The following LRTM2 variants were observed in gnomAD, a reference collection of about 807,000 sequenced individuals.
LRTM2 encodes leucine rich repeat transmembrane protein 2, also known as leucine-rich repeat and transmembrane domain-containing protein 2.
LRTM2 carries 18 observed loss-of-function variants against 28.1 expected under a neutral mutation model. The ratio of observed to expected loss-of-function variants is 0.64; its 90% confidence interval spans 0.44 to 0.95. LRTM2 has a LOEUF of 0.95. Among genes scored for constraint, LRTM2 ranks in the 40% least tolerant of loss-of-function variants. The pLI is 0.00. For missense variants in LRTM2, 436 were observed against 497.2 expected, an observed-to-expected ratio of 0.88 and a Z score of 1.17; for synonymous variants, 250 against 218.7, an observed-to-expected ratio of 1.14 and a Z score of -1.26.
rs1864076353 is a variant in LRTM2 at position 1,820,990 on chromosome 12, C to G, written c.-259+176C>G. ...TGCTCGGGCTCAGGCACCTGAGCAT[C>G]CCAAAGGTGCACGACACTGGGAACT... On this transcript the variant is annotated intron_variant, in intron 1 of 4. Coordinates refer to ENST00000299194, the MANE Select transcript of LRTM2 (RefSeq NM_001039029.3). This position sits in a 1 kb window ranked among gnomAD's most constrained non-coding sequence, Gnocchi z 6.0. Among the ~76,000 whole-genome samples, 1 of 152,200 alleles carries G rather than the reference C, an allele frequency of 6.6e-6. No homozygotes were observed. The highest frequency in any genetic ancestry group is 1.5e-5 in the Non-Finnish European group (1 of 68,040).
At position 1,833,509 on chromosome 12, in the gene LRTM2, C is replaced by T. The variant is rs1054234803; in HGVS notation, c.659-758C>T. Among the ~76,000 whole-genome samples, 2 of 152,176 alleles carry T rather than the reference C, an allele frequency of 1.3e-5. No individual in the cohort carries two copies. The highest frequency in any genetic ancestry group is 1.3e-4 in the Admixed American group (2 of 15,284). On this transcript the variant is annotated intron_variant, in intron 4 of 4. Coordinates refer to ENST00000299194, the MANE Select transcript of LRTM2 (RefSeq NM_001039029.3). The surrounding 1 kb of genome is among the most constrained non-coding windows in gnomAD (Gnocchi z 4.2). Reference sequence around the variant, plus strand: ...GCGAGCCCGTGCGCCCAGGTACCCACACCTCCTCATCAACACCAGCCTCCT... The same window carrying T: ...GCGAGCCCGTGCGCCCAGGTACCCATACCTCCTCATCAACACCAGCCTCCT...
At chr12:1,832,536 AT>A (rs1248147134) in intron 4 of LRTM2, among the ~76,000 whole-genome samples, 2 of 152,364 alleles carry the variant, frequency 1.3e-5, no homozygotes, top group Middle Eastern at 3.4e-3. Flanking sequence ...AGTGGTGAAA[AT>A]AATGCCAATG....
rs575996724 is a variant in LRTM2 at position 1,833,524 on chromosome 12, A to G, written c.659-743A>G. On this transcript the variant is annotated intron_variant, in intron 4 of 4. Transcript: ENST00000299194. This position sits in a 1 kb window ranked among gnomAD's most constrained non-coding sequence, Gnocchi z 4.2. ...CAGGTACCCACACCTCCTCATCAAC[A>G]CCAGCCTCCTCTCCTTGGCCTCGTG... Among the ~76,000 whole-genome samples, 153 of 152,098 alleles carry G rather than the reference A, an allele frequency of 1.0e-3. No homozygotes were observed. Among genetic ancestry groups the G allele is most frequent in the Non-Finnish European group, 1.6e-3 (111 of 67,972 alleles).
chr12:1,828,286 C>T lies in LRTM2; in HGVS notation c.67+71C>T, dbSNP rs2154446896. On this transcript the variant is annotated intron_variant, in intron 3 of 4. Transcript: ENST00000299194. The surrounding 1 kb of genome is among the most constrained non-coding windows in gnomAD (Gnocchi z 4.2). The stretch of plus-strand genomic sequence containing the variant: ...GTGCCGAGGTGACTGTAGGTAGCGC[C>T]ATATGGGACCTTAGCCACACTCAGG... 1.5e-6 allele frequency: 2 copies of T among 1,315,040 alleles called. No individual in the cohort carries two copies. The highest frequency in any genetic ancestry group is 5.4e-5 in the East Asian group (2 of 37,172). The allele number at this position is 1,315,040 out of a possible 1,614,324, so 81.5% of individuals were successfully genotyped here.
At position 1,834,444 on chromosome 12, in the gene LRTM2, C is replaced by T. The variant is rs200104979; in HGVS notation, c.836C>T (p.Pro279Leu). 2.5e-5 allele frequency: 41 copies of T among 1,612,296 alleles called. No individual in the cohort carries two copies. In the Middle Eastern group the frequency reaches 6.6e-4, roughly 26 times the overall value. Residue 279 changes from proline (P) to leucine (L), a missense_variant, in exon 5 of 5, where the codon CCC becomes CTC. Pro to Leu is a moderately conservative substitution (Grantham distance 98). Coordinates refer to ENST00000299194, the MANE Select transcript of LRTM2 (RefSeq NM_001039029.3). This position sits in a 1 kb window ranked among gnomAD's most constrained non-coding sequence, Gnocchi z 7.6. The stretch of plus-strand genomic sequence containing the variant: ...AAGGCCAGTCCAGAGCCTGCTAAGC[C>T]CAAGCCCGGGGCTGAGCCGGAGCCG... ...CTKASPEPAK[P>L]KPGAEPEPEP...
In LRTM2 at chr12:1,836,639, G is replaced by A. The variant is rs760684631; in HGVS notation, c.*1918G>A. On this transcript the variant is annotated 3_prime_UTR_variant, in exon 5 of 5. Coordinates refer to ENST00000299194, the MANE Select transcript of LRTM2 (RefSeq NM_001039029.3). ...ATTTTCTAAAGGGACTGGGGGGAGGGGAGGGCATTGTCAATGGTGGTATCT... is the reference window on the plus strand; with the variant it reads ...ATTTTCTAAAGGGACTGGGGGGAGGAGAGGGCATTGTCAATGGTGGTATCT... 4.6e-5 allele frequency: 7 copies of A among 152,674 alleles called. No individual in the cohort carries two copies. Among genetic ancestry groups the A allele is most frequent in the Admixed American group, 1.3e-4 (2 of 15,292 alleles). 9.5% of individuals were successfully genotyped at this position (152,674 alleles called of 1,614,324 possible).
intron 1 of LRTM2, among the ~76,000 whole-genome samples, chr12:1,827,117 C>T (rs994214775): frequency 6.6e-6 from 1 of 152,136 alleles, no homozygotes; most frequent in Non-Finnish European, 1.5e-5. Context: ...GTGCGGGCAT[C>T]CTCCCTCCCT....
rs1303805164 is a variant in LRTM2 at position 1,828,718 on chromosome 12, G to A, written c.67+503G>A. Among the ~76,000 whole-genome samples, 1 of 152,228 alleles carries A rather than the reference G, an allele frequency of 6.6e-6. No homozygotes were observed. The highest frequency in any genetic ancestry group is 1.9e-4 in the East Asian group (1 of 5,188). ...CTCCGCTTTCCCAACTCTCGGTAGA[G>A]GACCTAGTGGGCTCGTGGGATGCGG... is the stretch of plus-strand genomic sequence containing the variant. On this transcript the variant is annotated intron_variant, in intron 3 of 4. Coordinates refer to ENST00000299194, the MANE Select transcript of LRTM2 (RefSeq NM_001039029.3). This position sits in a 1 kb window ranked among gnomAD's most constrained non-coding sequence, Gnocchi z 4.2.
rs993265546 is a variant in LRTM2, at chr12:1,834,103, T to C, written c.659-164T>C. ...GTGGACTTGGCTCAATCAATGCTGTTTTCCCTCCTCCGCTTCCTCTTCTAT... is the reference window on the plus strand; with the variant it reads ...GTGGACTTGGCTCAATCAATGCTGTCTTCCCTCCTCCGCTTCCTCTTCTAT... On this transcript the variant is annotated intron_variant, in intron 4 of 4. Coordinates refer to ENST00000299194, the MANE Select transcript of LRTM2 (RefSeq NM_001039029.3). This position sits in a 1 kb window ranked among gnomAD's most constrained non-coding sequence, Gnocchi z 7.6. Among the ~76,000 whole-genome samples, 5 of 152,212 alleles carry C rather than the reference T, an allele frequency of 3.3e-5. No homozygotes were observed. Among genetic ancestry groups the C allele is most frequent in the African/African-American group, 1.2e-4 (5 of 41,446 alleles).
intron 1 of LRTM2, among the ~76,000 whole-genome samples, chr12:1,823,831 G>A (rs534581112): frequency 7.9e-5 from 12 of 152,290 alleles, no homozygotes; most frequent in Admixed American, 1.3e-4. Flanking sequence ...AGGCAATGCC[G>A]TGGACACTGC....
chr12:1,832,040 T>G (rs1431849389), intron 4 of LRTM2, among the ~76,000 whole-genome samples: 1 of 152,224 alleles, frequency 6.6e-6, no homozygotes, highest in African/African-American at 2.4e-5. Context: ...AGTGCCAACT[T>G]CCTCTCCCAA....
In LRTM2 at chr12:1,829,832, G is replaced by A. The variant is rs1049725885; in HGVS notation, c.68-1103G>A. On this transcript the variant is annotated intron_variant, in intron 3 of 4. Transcript: ENST00000299194. The surrounding 1 kb of genome is among the most constrained non-coding windows in gnomAD (Gnocchi z 4.2). ...GCTGGGTGGAACTGACCTCGGCTGG[G>A]CTGACCTGGTGGGGCTGAACTATTT... Among the ~76,000 whole-genome samples, 2 of 151,970 alleles carry A rather than the reference G, an allele frequency of 1.3e-5. No homozygotes were observed. Among genetic ancestry groups the A allele is most frequent in the Non-Finnish European group, 2.9e-5 (2 of 67,962 alleles).
chr12:1,821,452 G>C (rs1448983574), intron 1 of LRTM2, among the ~76,000 whole-genome samples: 2 of 152,230 alleles, frequency 1.3e-5, no homozygotes, highest in African/African-American at 4.8e-5. Flanking sequence ...GGTGAGGCTG[G>C]GAGTGGGCAG....
At position 1,828,991 on chromosome 12, in the gene LRTM2, G is replaced by A. The variant is rs192878272; in HGVS notation, c.67+776G>A. ...GGGACGGCATTCCGCCTGACTTCCC[G>A]CTCTGATCCAGCACCCAACACGGGC... On this transcript the variant is annotated intron_variant, in intron 3 of 4. Coordinates refer to ENST00000299194, the MANE Select transcript of LRTM2 (RefSeq NM_001039029.3). This position sits in a 1 kb window ranked among gnomAD's most constrained non-coding sequence, Gnocchi z 4.2. 4.0e-4 allele frequency among the ~76,000 whole-genome samples: 61 copies of A among 152,330 alleles called. No homozygotes were observed. The highest frequency in any genetic ancestry group is 2.9e-3 in the East Asian group (15 of 5,182).
In LRTM2 at chr12:1,834,619, C is replaced by T. The variant is rs1450877237; in HGVS notation, c.1011C>T (p.Ser337=). The change falls in exon 5 of 5, where the codon TCC becomes TCT. Residue 337 remains serine (S), a synonymous_variant. Transcript: ENST00000299194. This position sits in a 1 kb window ranked among gnomAD's most constrained non-coding sequence, Gnocchi z 7.6. ...VAAAYGCIYA[S]LMAKYHRELK... Reference sequence around the variant, plus strand: ...CTGCCTATGGCTGCATCTACGCCTCCCTCATGGCCAAGTACCACCGGGAGC... The same window carrying T: ...CTGCCTATGGCTGCATCTACGCCTCTCTCATGGCCAAGTACCACCGGGAGC... 2 of 1,600,122 alleles carry T rather than the reference C, an allele frequency of 1.2e-6. No homozygotes were observed. Among genetic ancestry groups the T allele is most frequent in the South Asian group, 1.1e-5 (1 of 91,084 alleles).
chr12:1,830,911 C>A lies in LRTM2; in HGVS notation c.68-24C>A, dbSNP rs768276644. 49 of 1,565,858 alleles carry A rather than the reference C, an allele frequency of 3.1e-5. 1 individual carries two copies. The South Asian group carries it at 5.5e-4, about 18-fold the overall frequency. On this transcript the variant is annotated intron_variant, in intron 3 of 4. Transcript: ENST00000299194. ...GGTGACCCGTCCTATTGCTTTCTTT[C>A]CCCCGTCTGTCCCTCCCACCAAGGG...
In LRTM2 at chr12:1,830,939, C is replaced by T; in HGVS notation, c.72C>T (p.Ile24=). Reference sequence around the variant, plus strand: ...CCGTCTGTCCCTCCCACCAAGGGATCACCTGCTGGATCGCCCTGTATGCTG... The same window carrying T: ...CCGTCTGTCCCTCCCACCAAGGGATTACCTGCTGGATCGCCCTGTATGCTG... ...LALQWRQVSW[I]TCWIALYAVE... Residue 24 remains isoleucine, a synonymous_variant, in exon 4 of 5, where the codon ATC becomes ATT. Coordinates refer to ENST00000299194, the MANE Select transcript of LRTM2 (RefSeq NM_001039029.3). 1.3e-6 allele frequency: 2 copies of T among 1,595,374 alleles called. No individual in the cohort carries two copies. Among genetic ancestry groups the T allele is most frequent in the South Asian group, 1.1e-5 (1 of 89,810 alleles).
rs898471387 is a variant in LRTM2, at chr12:1,828,175, G to A, written c.27G>A (p.Gly9=). The change falls in exon 3 of 5, where the codon GGG becomes GGA. Residue 9 remains glycine (G), a synonymous_variant. Transcript: ENST00000299194. This position sits in a 1 kb window ranked among gnomAD's most constrained non-coding sequence, Gnocchi z 4.2. ...TGCTGGCGCCGGGCAGCAGCCCTGGGCAGAGGGGCAGGCTCGCCCTGCAGT... is the reference window on the plus strand; with the variant it reads ...TGCTGGCGCCGGGCAGCAGCCCTGGACAGAGGGGCAGGCTCGCCCTGCAGT... MLAPGSSP[G]QRGRLALQWR... The A allele has an allele frequency of 3.9e-6, 6 of 1,546,660 alleles. No individual in the cohort carries two copies. The African/African-American group carries it at 5.5e-5, about 14-fold the overall frequency.
intron 1 of LRTM2, among the ~76,000 whole-genome samples, chr12:1,822,952 C>G (rs375794774): frequency 3.9e-5 from 6 of 152,340 alleles, no homozygotes; most frequent in African/African-American, 7.2e-5. Flanking sequence ...AAGGGCACGG[C>G]CCCTGCAGGC....
Sources: allele counts gnomAD v4.1 joint callset (sites outside exome capture counted in the v4.1 genomes callset), GRCh38; gene constraint gnomAD v4.1.1; non-coding constraint Gnocchi (gnomAD v3.1); transcripts MANE v1.5; gene names NCBI Gene and HGNC (gene_info 2026-07-23, HGNC 2026-07-21).